The following ROBO1 variants were observed in gnomAD, a reference collection of about 807,000 sequenced individuals.
The protein encoded by ROBO1 is roundabout guidance receptor 1.
A neutral mutation model predicts 195.9 loss-of-function variants in ROBO1; 149 were observed. That is an observed-to-expected ratio of 0.76 (90% CI 0.67 to 0.87). The LOEUF (loss-of-function observed/expected upper bound fraction) is 0.87. ROBO1 is among the 40% of genes least tolerant of loss of function. The pLI is 0.00. For synonymous variants in ROBO1, 816 were observed against 733.2 expected (o/e 1.11, Z -1.82); for missense variants, 1,933 against 2,068.3 (o/e 0.93, Z 1.27).
chr3:79,171,236 TG>T (rs1159227728), intron 2 of ROBO1, among the ~76,000 whole-genome samples: 4 of 150,784 alleles, frequency 2.7e-5, no homozygotes, highest in African/African-American at 9.7e-5. Flanking sequence ...GTAACAATTT[TG>T]TAATTGTTTT....
At chr3:79,573,508 G>A (rs1466800470) in intron 2 of ROBO1, among the ~76,000 whole-genome samples, 1 of 152,088 alleles carries the variant, frequency 6.6e-6, no homozygotes, top group Non-Finnish European at 1.5e-5. Flanking sequence ...ATTACAGTTT[G>A]CTTACAAAAT....
intron 28 of ROBO1, among the ~76,000 whole-genome samples, chr3:78,608,958 G>T (rs1703628342): frequency 2.0e-5 from 3 of 152,100 alleles, no homozygotes; most frequent in Non-Finnish European, 4.4e-5. Context: ...AGCCTTTGGA[G>T]TATCAAAATA....
intron 4 of ROBO1, among the ~76,000 whole-genome samples, chr3:78,759,770 C>T (rs2083046358): frequency 1.3e-5 from 2 of 152,092 alleles, no homozygotes; most frequent in Non-Finnish European, 2.9e-5. Context: ...TTTGCTGCCC[C>T]AGAGGTCTTC....
At chr3:78,761,410 A>G (rs333488) in intron 4 of ROBO1, among the ~76,000 whole-genome samples, 8,272 of 152,282 alleles carry the variant, frequency 0.054, 296 homozygotes, top group Middle Eastern at 0.11. Flanking sequence ...TTACTTCTCC[A>G]CAAAAAACAG....
intron 3 of ROBO1, among the ~76,000 whole-genome samples, chr3:78,974,821 A>G (rs1236751300): frequency 6.6e-6 from 1 of 152,216 alleles, no homozygotes; most frequent in Non-Finnish European, 1.5e-5. Context: ...AGAATGGATA[A>G]ATGAAGACAA....
intron 1 of ROBO1, among the ~76,000 whole-genome samples, chr3:79,668,323 C>T (rs917225169): frequency 2.6e-4 from 39 of 151,152 alleles, no homozygotes; most frequent in African/African-American, 9.5e-4. Context: ...TAAACACCAT[C>T]CTTTTAAAAC....
chr3:79,709,453 G>C (rs1177124899), intron 1 of ROBO1, among the ~76,000 whole-genome samples: 1 of 152,062 alleles, frequency 6.6e-6, no homozygotes, highest in African/African-American at 2.4e-5. Context: ...AGACAAATGG[G>C]AGAGAATAAA....
rs1434133822 is a variant in ROBO1 at position 79,134,217 on chromosome 3, AG to A, written c.89-8679del. Among the ~76,000 whole-genome samples the A allele has an allele frequency of 5.1e-5, 7 of 136,226 alleles. No individual in the cohort carries two copies. In the Admixed American group the frequency reaches 5.5e-4, roughly 11 times the overall value. The allele number at this position is 136,226 out of a possible 152,430, so 89.4% of individuals were successfully genotyped here. On this transcript the variant is annotated intron_variant, in intron 2 of 30. Coordinates refer to ENST00000464233, the MANE Select transcript of ROBO1 (RefSeq NM_002941.4). ...AAAAAAACAAACAACCCCATCAAAA[AG>A]TGGGCGAAGGACATGAACAGACACT...
At chr3:78,883,106 C>G (rs1310579337) in intron 4 of ROBO1, among the ~76,000 whole-genome samples, 2 of 152,162 alleles carry the variant, frequency 1.3e-5, no homozygotes, top group Non-Finnish European at 2.9e-5. Context: ...AGCCACTGTG[C>G]TGGGCCATTC....
At chr3:79,174,402 G>C (rs151196789) in intron 2 of ROBO1, among the ~76,000 whole-genome samples, 1 of 151,826 alleles carries the variant, frequency 6.6e-6, no homozygotes, top group South Asian at 2.1e-4. Flanking sequence ...AAGAAACTCC[G>C]AACACATCCG....
chr3:78,920,756 C>T (rs2107595540), intron 4 of ROBO1, among the ~76,000 whole-genome samples: 1 of 151,588 alleles, frequency 6.6e-6, no homozygotes, highest in Middle Eastern at 3.4e-3. Flanking sequence ...CCATCACTGC[C>T]TCTCAACTTA....
chr3:79,484,840 A>G (rs1489702198), intron 2 of ROBO1, among the ~76,000 whole-genome samples: 1 of 137,390 alleles, frequency 7.3e-6, no homozygotes, highest in African/African-American at 2.8e-5. Flanking sequence ...TGCAAGCTCT[A>G]TCTCCCAGGT....
At chr3:79,057,639 G>C (rs746540333) in intron 3 of ROBO1, among the ~76,000 whole-genome samples, 2 of 151,948 alleles carry the variant, frequency 1.3e-5, no homozygotes, top group Admixed American at 6.6e-5. Context: ...ACATCCCTCT[G>C]TTCTTCTCTT....
intron 2 of ROBO1, among the ~76,000 whole-genome samples, chr3:79,474,994 A>G (rs80231028): frequency 0.034 from 5,220 of 152,058 alleles, 201 homozygotes; most frequent in African/African-American, 0.098. Flanking sequence ...ACTGGCTGAA[A>G]TTGTCTTAGA....
At chr3:79,166,555 T>TTTTTC (rs2081067040) in intron 2 of ROBO1, among the ~76,000 whole-genome samples, 1 of 145,816 alleles carries the variant, frequency 6.9e-6, no homozygotes, top group African/African-American at 2.7e-5. Context: ...AAGTTTTCTA[T>TTTTTC]TTTTCTTTTT....
rs548381211 is a variant in ROBO1, at chr3:79,064,993, CTTAAGTA to C, written c.172+60456_172+60462del. Among the ~76,000 whole-genome samples, 315 of 152,050 alleles carry C rather than the reference CTTAAGTA, an allele frequency of 2.1e-3. 1 individual carries two copies. Among genetic ancestry groups the C allele is most frequent in the African/African-American group, 7.2e-3 (298 of 41,522 alleles). ...ATTAAGAAGGGACACTTTCTTTGATCTTAAGTATTAAGAAACGAAAAGCTTTCTGTGA... is the reference window on the plus strand; with the variant it reads ...ATTAAGAAGGGACACTTTCTTTGATCTTAAGAAACGAAAAGCTTTCTGTGA... On this transcript the variant is annotated intron_variant, in intron 3 of 30. Coordinates refer to ENST00000464233, the MANE Select transcript of ROBO1 (RefSeq NM_002941.4).
At chr3:79,708,872 A>T (rs1702164872) in intron 1 of ROBO1, among the ~76,000 whole-genome samples, 1 of 152,184 alleles carries the variant, frequency 6.6e-6, no homozygotes, top group Non-Finnish European at 1.5e-5. Context: ...GTCTCAAAAA[A>T]CAAGACAATA....
chr3:78,622,464 T>A (rs1012873413), intron 26 of ROBO1, among the ~76,000 whole-genome samples: 1 of 152,218 alleles, frequency 6.6e-6, no homozygotes, highest in African/African-American at 2.4e-5. Context: ...TTAGGTAACA[T>A]GCTTTATGCT....
chr3:79,577,797 T>C (rs1331923817), intron 2 of ROBO1, among the ~76,000 whole-genome samples: 1 of 150,654 alleles, frequency 6.6e-6, no homozygotes, highest in Non-Finnish European at 1.5e-5. Flanking sequence ...CTGTAATCCC[T>C]GCTACTCAAG....
Sources: gnomAD v4.1 joint callset for allele counts (sites outside exome capture counted in the v4.1 genomes callset) on GRCh38, gnomAD v4.1.1 for gene constraint, MANE v1.5 for transcripts, NCBI Gene and HGNC (gene_info 2026-07-23, HGNC 2026-07-21) for gene names.